Variants in GLI2 observed in about 807,000 individuals in gnomAD.
GLI2 encodes the protein GLI family zinc finger 2, also known as transcription activator GLI2.
Under a neutral mutation model 78.9 loss-of-function variants are expected in GLI2, and 22 were observed. The observed-to-expected ratio is 0.28, with a 90% CI of 0.20 to 0.40. GLI2 has a LOEUF of 0.40. GLI2 is among the 10% of genes least tolerant of loss of function. The pLI, the probability that GLI2 is intolerant of heterozygous loss-of-function variation, is 1.00. For missense variants in GLI2, 2,097 were observed against 2,213.2 expected, an observed-to-expected ratio of 0.95 and a Z score of 1.05; for synonymous variants, 974 against 963.7, an observed-to-expected ratio of 1.01 and a Z score of -0.20.
chr2:120,916,281 A>G (rs138257972), intron 2 of GLI2, among the ~76,000 whole-genome samples: 2 of 152,346 alleles, frequency 1.3e-5, no homozygotes, highest in African/African-American at 4.8e-5. Context: ...GATGTTCCTC[A>G]TCCTGTATGT....
rs993496572 is a variant in GLI2 at position 120,865,028 on chromosome 2, A to G, written c.149-62333A>G. The stretch of plus-strand genomic sequence containing the variant: ...CGGTAGTGCCTCATTCTGAGCCTGA[A>G]CATTGCCCCAGGGAAGCTGAGGGGA... On this transcript the variant is annotated intron_variant, in intron 2 of 13. Transcript: ENST00000361492. 2.6e-5 allele frequency among the ~76,000 whole-genome samples: 4 copies of G among 152,252 alleles called. No individual in the cohort carries two copies. In the South Asian group the frequency reaches 8.3e-4, roughly 32 times the overall value.
intron 2 of GLI2, among the ~76,000 whole-genome samples, chr2:120,806,994 A>G (rs75307236): frequency 0.011 from 1,726 of 152,304 alleles, 31 homozygotes; most frequent in African/African-American, 0.04. Context: ...AACATTAGGG[A>G]AGGAGTGTGG....
intron 2 of GLI2, among the ~76,000 whole-genome samples, chr2:120,891,924 C>A (rs1225331862): frequency 6.6e-6 from 1 of 152,190 alleles, no homozygotes; most frequent in Non-Finnish European, 1.5e-5. Flanking sequence ...CCACTGCACT[C>A]CAGGTGTGAC....
Position 120,938,885 on chromosome 2 carries a change from G to A in GLI2, c.254+11419G>A, listed in dbSNP as rs569421930. Among the ~76,000 whole-genome samples, 380 of 152,248 alleles carry A rather than the reference G, an allele frequency of 2.5e-3. 1 individual carries two copies. The highest frequency in any genetic ancestry group is 8.5e-3 in the African/African-American group (355 of 41,536). On this transcript the variant is annotated intron_variant, in intron 3 of 13. Transcript: ENST00000361492. ...CCAGCCCTGTAGCCGTCCTGCTCCC[G>A]GAATCCCTATCCACTCAGCCAACTT...
chr2:120,736,173 A>C lies in GLI2; in HGVS notation c.-143A>C, dbSNP rs1414183417. The C allele has an allele frequency of 1.3e-5, 2 of 151,604 alleles. No homozygotes were observed. Among genetic ancestry groups the C allele is most frequent in the Admixed American group, 6.6e-5 (1 of 15,236 alleles). The allele number at this position is 151,604 out of a possible 1,614,324, so 9.4% of individuals were successfully genotyped here. A position where few individuals can be genotyped will look rare whatever the true frequency, so the allele number is the denominator to read the frequency against. On this transcript the variant is annotated 5_prime_UTR_variant, in exon 1 of 14. Transcript: ENST00000361492. Reference sequence around the variant, plus strand: ...CCCCGGCTGGCTGGAGCCCCGGCACAAGGCAGCCAGCCGAGGGTCGCCGCG... The same window carrying C: ...CCCCGGCTGGCTGGAGCCCCGGCACCAGGCAGCCAGCCGAGGGTCGCCGCG...
intron 2 of GLI2, among the ~76,000 whole-genome samples, chr2:120,920,612 C>G (rs1014872046): frequency 6.6e-6 from 1 of 152,130 alleles, no homozygotes; most frequent in Non-Finnish European, 1.5e-5. Context: ...GAAACTGCAG[C>G]GTAGAAAAGT....
intron 2 of GLI2, among the ~76,000 whole-genome samples, chr2:120,859,845 C>T (rs1236117167): frequency 2.6e-5 from 4 of 152,030 alleles, no homozygotes; most frequent in African/African-American, 7.2e-5. Flanking sequence ...CAACCTCCGC[C>T]TCCTGGCCTC....
intron 1 of GLI2, among the ~76,000 whole-genome samples, chr2:120,785,392 G>A (rs1683970572): frequency 6.6e-6 from 1 of 152,180 alleles, no homozygotes; most frequent in Admixed American, 6.5e-5. Context: ...CTGGCTGTTG[G>A]TTGCTGGCAG....
chr2:120,936,310 G>A (rs1402437354), intron 3 of GLI2, among the ~76,000 whole-genome samples: 1 of 152,108 alleles, frequency 6.6e-6, no homozygotes, highest in Non-Finnish European at 1.5e-5. Context: ...GGGACATACC[G>A]AGTGGCGGAG....
Position 120,737,114 on chromosome 2 carries a change from G to T in GLI2, c.-31+829G>T, listed in dbSNP as rs1173516120. On this transcript the variant is annotated intron_variant, in intron 1 of 13. Coordinates refer to ENST00000361492, the MANE Select transcript of GLI2 (RefSeq NM_001374353.1). The surrounding 1 kb of genome is among the most constrained non-coding windows in gnomAD (Gnocchi z 4.3). The stretch of plus-strand genomic sequence containing the variant: ...GCAACTTGATCTGTATGTGATGGAT[G>T]GGGAGAGGCGCGGAGAGAGTTGGGC... Among the ~76,000 whole-genome samples, 1 of 152,172 alleles carries T rather than the reference G, an allele frequency of 6.6e-6. No homozygotes were observed. Among genetic ancestry groups the T allele is most frequent in the Non-Finnish European group, 1.5e-5 (1 of 68,034 alleles).
At chr2:120,786,610 T>C (rs1168322187) in intron 1 of GLI2, among the ~76,000 whole-genome samples, 1 of 152,222 alleles carries the variant, frequency 6.6e-6, no homozygotes, top group Non-Finnish European at 1.5e-5. Flanking sequence ...CCAGTTAATA[T>C]GTATAGGCTT....
intron 9 of GLI2, among the ~76,000 whole-genome samples, chr2:120,976,217 C>T (rs781738868): frequency 1.3e-5 from 2 of 152,184 alleles, no homozygotes; most frequent in Non-Finnish European, 2.9e-5. Flanking sequence ...CACGCGTCTC[C>T]GATTCATATT....
At chr2:120,796,698 A>C (rs929909011) in intron 1 of GLI2, among the ~76,000 whole-genome samples, 2 of 152,212 alleles carry the variant, frequency 1.3e-5, no homozygotes, top group African/African-American at 4.8e-5. Context: ...GTTTGCCCCC[A>C]AGGAGAATGT....
At chr2:120,766,763 T>C (rs1220988620) in intron 1 of GLI2, among the ~76,000 whole-genome samples, 1 of 152,146 alleles carries the variant, frequency 6.6e-6, no homozygotes, top group Non-Finnish European at 1.5e-5. Flanking sequence ...AAACATGACA[T>C]GAGAGAGTTG....
In GLI2 at chr2:120,909,516, G is replaced by A. The variant is rs141421500; in HGVS notation, c.149-17845G>A. On this transcript the variant is annotated intron_variant, in intron 2 of 13. Transcript: ENST00000361492. ...CAGACCTGGCAACCTGATGCCCAGA[G>A]GTATAAAAATATGCCTCTGTGACTG... Among the ~76,000 whole-genome samples the A allele has an allele frequency of 3.1e-3, 479 of 152,324 alleles. 4 individuals are homozygous for A. The highest frequency in any genetic ancestry group is 0.011 in the African/African-American group (460 of 41,556).
intron 2 of GLI2, among the ~76,000 whole-genome samples, chr2:120,842,198 C>A (rs953069682): frequency 5.3e-5 from 8 of 152,000 alleles, no homozygotes; most frequent in African/African-American, 1.9e-4. Flanking sequence ...CTGGAGACGA[C>A]CAATGTTCCC....
intron 2 of GLI2, among the ~76,000 whole-genome samples, chr2:120,798,436 A>T (rs1415432100): frequency 6.6e-6 from 1 of 152,198 alleles, no homozygotes; most frequent in Non-Finnish European, 1.5e-5. Flanking sequence ...GGAGCCCAGG[A>T]ACATGGAAAG....
At chr2:120,879,670 AAT>A in intron 2 of GLI2, among the ~76,000 whole-genome samples, 1 of 152,300 alleles carries the variant, frequency 6.6e-6, no homozygotes, top group African/African-American at 2.4e-5. Context: ...TGCCTGGATG[AAT>A]CTCAGGCTGG....
chr2:120,750,297 G>A (rs17389904), intron 1 of GLI2, among the ~76,000 whole-genome samples: 29,806 of 152,206 alleles, frequency 0.2, 3,513 homozygotes, highest in Non-Finnish European at 0.27. Context: ...CTGCACTTCC[G>A]CATAAGCCAG....
Sources: allele counts gnomAD v4.1 joint callset (sites outside exome capture counted in the v4.1 genomes callset), GRCh38; gene constraint gnomAD v4.1.1; non-coding constraint Gnocchi (gnomAD v3.1); transcripts MANE v1.5; gene names NCBI Gene and HGNC (gene_info 2026-07-23, HGNC 2026-07-21).